The following MSH3 variants were observed in gnomAD, a reference collection of about 807,000 sequenced individuals.
The protein encoded by MSH3 is DNA mismatch repair protein Msh3.
Under a neutral mutation model 123.3 loss-of-function variants are expected in MSH3, and 106 were observed. The observed-to-expected ratio is 0.86, with a 90% confidence interval of 0.73 to 1.01. The LOEUF (loss-of-function observed/expected upper bound fraction) is 1.01, where lower values mean the gene tolerates loss of function less well. MSH3 is among the 50% of genes least tolerant of loss of function. MSH3 has a pLI of 0.00. For synonymous variants in MSH3, 515 were observed against 481.4 expected (o/e 1.07, Z -0.91); for missense variants, 1,459 against 1,347.6 (o/e 1.08, Z -1.29).
intron 8 of MSH3, among the ~76,000 whole-genome samples, chr5:80,695,425 C>G (rs1440398726): frequency 6.6e-6 from 1 of 152,054 alleles, no homozygotes; most frequent in Non-Finnish European, 1.5e-5. Context: ...ACCTCCGCCC[C>G]CCGGGTTCAA....
intron 17 of MSH3, among the ~76,000 whole-genome samples, chr5:80,783,448 T>C (rs1744443867): frequency 6.6e-6 from 1 of 152,234 alleles, no homozygotes; most frequent in Non-Finnish European, 1.5e-5. Context: ...TTAAGAGTTA[T>C]GATGTTATAG....
chr5:80,689,883 T>G (rs6864493), intron 8 of MSH3, among the ~76,000 whole-genome samples: 1 of 151,904 alleles, frequency 6.6e-6, no homozygotes. Context: ...GGCTCAAACC[T>G]TTCCTGCATG....
intron 3 of MSH3, among the ~76,000 whole-genome samples, chr5:80,666,184 A>G (rs1287923288): frequency 6.6e-6 from 1 of 152,232 alleles, no homozygotes; most frequent in Non-Finnish European, 1.5e-5. Context: ...CTTAGCCTGC[A>G]GATGAGGTGA....
intron 11 of MSH3, among the ~76,000 whole-genome samples, chr5:80,743,006 G>A (rs1020346650): frequency 2.0e-5 from 3 of 152,086 alleles, no homozygotes; most frequent in Non-Finnish European, 4.4e-5. Context: ...TTTAGAAGCC[G>A]AAGCTGAGAT....
intron 8 of MSH3, among the ~76,000 whole-genome samples, chr5:80,708,518 C>A (rs1750769787): frequency 6.6e-6 from 1 of 151,924 alleles, no homozygotes; most frequent in Non-Finnish European, 1.5e-5. Context: ...AGTGCATTGG[C>A]ACGATCATAG....
intron 19 of MSH3, 56 bp downstream of exon 19, chr5:80,792,900 C>A: frequency 9.1e-7 from 1 of 1,103,306 alleles, no homozygotes; most frequent in Non-Finnish European, 1.4e-6. Context: ...CTTTTACATA[C>A]CAAAGAAACA....
At chr5:80,813,328 T>C (rs1411656646) in intron 19 of MSH3, among the ~76,000 whole-genome samples, 1 of 152,226 alleles carries the variant, frequency 6.6e-6, no homozygotes, top group African/African-American at 2.4e-5. Context: ...AAATGCTTAA[T>C]GAGAAAGCCA....
chr5:80,875,544 T>C (rs895982163), intron 23 of MSH3, among the ~76,000 whole-genome samples: 1 of 152,102 alleles, frequency 6.6e-6, no homozygotes, highest in Non-Finnish European at 1.5e-5. Context: ...GGCACAAAGG[T>C]AATAGTGGCA....
At chr5:80,753,979 T>C (rs1743881166) in intron 12 of MSH3, among the ~76,000 whole-genome samples, 1 of 152,192 alleles carries the variant, frequency 6.6e-6, no homozygotes, top group African/African-American at 2.4e-5. Context: ...CTAGCAAATG[T>C]CTGCTTGTTT....
In MSH3 at chr5:80,748,727, CACACA is replaced by C. The variant is rs1561465048; in HGVS notation, c.1763+4113_1763+4117del. On this transcript the variant is annotated intron_variant, in intron 12 of 23. Transcript: ENST00000265081. Reference sequence around the variant, plus strand: ...ACACACACACACACACACACACACACACACACCCATATGTATGTCATTGGTTTTGT... The same window carrying C: ...ACACACACACACACACACACACACACCCCATATGTATGTCATTGGTTTTGT... Among the ~76,000 whole-genome samples the C allele has an allele frequency of 6.8e-4, 72 of 106,658 alleles. 1 individual carries two copies. In the South Asian group the frequency reaches 0.011, roughly 17 times the overall value. 70.0% of individuals were successfully genotyped at this position (106,658 alleles called of 152,430 possible).
At chr5:80,720,999 T>A (rs1407549453) in intron 8 of MSH3, among the ~76,000 whole-genome samples, 1 of 152,230 alleles carries the variant, frequency 6.6e-6, no homozygotes, top group Non-Finnish European at 1.5e-5. Flanking sequence ...ACCCTAAAAC[T>A]TTCCATGTGC....
chr5:80,672,451 A>G, intron 5 of MSH3, 91 bp downstream of exon 5: 1 of 954,284 alleles, frequency 1.0e-6, no homozygotes, highest in South Asian at 1.3e-5. Flanking sequence ...GGTAGGCTTC[A>G]ATTGGTTTAG....
intron 20 of MSH3, among the ~76,000 whole-genome samples, chr5:80,837,832 G>A (rs1745543986): frequency 6.6e-6 from 1 of 152,202 alleles, no homozygotes; most frequent in Admixed American, 6.5e-5. Context: ...GTATTGGCCA[G>A]GGTGGGATTC....
rs145813779 is a variant in MSH3 at position 80,752,429 on chromosome 5, T to C, written c.1763+7814T>C. 4.4e-4 allele frequency among the ~76,000 whole-genome samples: 67 copies of C among 152,284 alleles called. 1 individual carries two copies. In the East Asian group the frequency reaches 0.011, roughly 25 times the overall value. On this transcript the variant is annotated intron_variant, in intron 12 of 23. Coordinates refer to ENST00000265081, the MANE Select transcript of MSH3 (RefSeq NM_002439.5). The stretch of plus-strand genomic sequence containing the variant: ...TATCTTTAGAGATAGTTATTCTGTT[T>C]TAGAGATAAGAATAACTAAGTCTCA...
intron 2 of MSH3, among the ~76,000 whole-genome samples, chr5:80,657,742 T>C (rs756450197): frequency 6.6e-6 from 1 of 152,140 alleles, no homozygotes; most frequent in African/African-American, 2.4e-5. Flanking sequence ...AAAATTTGAA[T>C]TTTAGGGTCA....
In MSH3 at chr5:80,876,022, T is replaced by G; in HGVS notation, c.*160T>G. On this transcript the variant is annotated 3_prime_UTR_variant, in exon 24 of 24. Coordinates refer to ENST00000265081, the MANE Select transcript of MSH3 (RefSeq NM_002439.5). ...CAGAGAGGTTTTTCTGAAGACAGTC[T>G]TTTTCAAGTTTCTGTCTTCCTAACT... 1.6e-6 allele frequency: 1 copy of G among 618,682 alleles called. No homozygotes were observed. Among genetic ancestry groups the G allele is most frequent in the South Asian group, 2.0e-5 (1 of 50,746 alleles). 38.3% of individuals were successfully genotyped at this position (618,682 alleles called of 1,614,324 possible).
In MSH3 at chr5:80,670,300, A is replaced by G; in HGVS notation, c.783A>G (p.Glu261=). ...GATATAAGTATAGATTCTTTGGGGA[A>G]GATGCAGAGGTAAGTCGTCTTTTCA... is the stretch of plus-strand genomic sequence containing the variant. The part of the protein sequence containing the change: ...ECGYKYRFFG[E]DAEIAARELN... Residue 261 remains glutamate, a synonymous_variant, in exon 4 of 24, where the codon GAA becomes GAG. Coordinates refer to ENST00000265081, the MANE Select transcript of MSH3 (RefSeq NM_002439.5). 2 of 1,614,106 alleles carry G rather than the reference A, an allele frequency of 1.2e-6. No individual in the cohort carries two copies. The highest frequency in any genetic ancestry group is 1.7e-6 in the Non-Finnish European group (2 of 1,179,978).
chr5:80,733,023 A>G (rs1743438341), intron 10 of MSH3, among the ~76,000 whole-genome samples: 1 of 152,152 alleles, frequency 6.6e-6, no homozygotes, highest in African/African-American at 2.4e-5. Flanking sequence ...TGACAAGCTG[A>G]TCCTAAAATT....
In MSH3 at chr5:80,678,936, C is replaced by T. The variant is rs1475595202; in HGVS notation, c.1183C>T (p.Pro395Ser). The T allele has an allele frequency of 6.2e-7, 1 of 1,614,030 alleles. No individual in the cohort carries two copies. The highest frequency in any genetic ancestry group is 8.5e-7 in the Non-Finnish European group (1 of 1,179,980). Residue 395 changes from proline to serine, a missense_variant, in exon 8 of 24, where the codon CCT becomes TCT. Coordinates refer to ENST00000265081, the MANE Select transcript of MSH3 (RefSeq NM_002439.5). Reference protein sequence around the residue: ...NIFIGIVGVQPATGEVVFDSF... With the variant: ...NIFIGIVGVQSATGEVVFDSF... ...TTGTATTTGTTTTTAGGGAGTGCAG[C>T]CTGCCACAGGCGAGGTTGTGTTTGA...
Sources: allele counts gnomAD v4.1 joint callset (sites outside exome capture counted in the v4.1 genomes callset), GRCh38; gene constraint gnomAD v4.1.1; transcripts MANE v1.5; gene names NCBI Gene and HGNC (gene_info 2026-07-23, HGNC 2026-07-21).